The following XKR6 variants were observed in gnomAD, a reference collection of about 807,000 sequenced individuals.
The protein encoded by XKR6 is XK related 6, also known as XK-related protein 6.
In XKR6, 22 loss-of-function variants were observed where a neutral mutation model predicts 56.7. The observed-to-expected ratio is 0.39, with a 90% CI of 0.28 to 0.55. The LOEUF (loss-of-function observed/expected upper bound fraction) is 0.55, where lower values mean the gene tolerates loss of function less well. Among genes scored for constraint, XKR6 ranks in the 20% least tolerant of loss-of-function variants. The pLI, the probability that XKR6 is intolerant of heterozygous loss-of-function variation, is 0.66. For synonymous variants in XKR6, 524 were observed against 387.8 expected (o/e 1.35, Z -4.13); for missense variants, 852 against 889.0 (o/e 0.96, Z 0.53).
Position 10,897,242 on chromosome 8 carries a change from G to A in XKR6, c.*710C>T, listed in dbSNP as rs1180903771. On this transcript the variant is annotated 3_prime_UTR_variant, in exon 3 of 3. Transcript: ENST00000416569. ...AGTGGGGAGAAGGTCAGGAGAGGAG[G>A]GGGAGAAACTGAAAAGAGGGAGGGG... 6.6e-6 allele frequency: 1 copy of A among 152,594 alleles called. No individual in the cohort carries two copies. The highest frequency in any genetic ancestry group is 1.9e-4 in the East Asian group (1 of 5,200). The allele number at this position is 152,594 out of a possible 1,614,324, so 9.5% of individuals were successfully genotyped here.
At chr8:10,992,127 A>G (rs1203291980) in intron 1 of XKR6, among the ~76,000 whole-genome samples, 1 of 152,214 alleles carries the variant, frequency 6.6e-6, no homozygotes, top group African/African-American at 2.4e-5. Flanking sequence ...AAATCTATAA[A>G]TAGCAGCCTG....
intron 1 of XKR6, among the ~76,000 whole-genome samples, chr8:11,061,864 T>C (rs949350543): frequency 6.6e-6 from 1 of 152,092 alleles, no homozygotes; most frequent in Non-Finnish European, 1.5e-5. Flanking sequence ...GCTGTTAAAA[T>C]GAGTCTGTGT....
chr8:11,049,138 G>T (rs1376456820), intron 1 of XKR6, among the ~76,000 whole-genome samples: 1 of 152,238 alleles, frequency 6.6e-6, no homozygotes, highest in Non-Finnish European at 1.5e-5. Context: ...TTGCTCAGGA[G>T]CCCATTGGAA....
chr8:10,974,007 C>T (rs1302807950), intron 1 of XKR6, among the ~76,000 whole-genome samples: 1 of 152,048 alleles, frequency 6.6e-6, no homozygotes, highest in Non-Finnish European at 1.5e-5. Flanking sequence ...AATTAAAGTC[C>T]AGAGAGGCTA....
At chr8:11,051,297 G>A (rs185840096) in intron 1 of XKR6, among the ~76,000 whole-genome samples, 1 of 151,776 alleles carries the variant, frequency 6.6e-6, no homozygotes, top group Non-Finnish European at 1.5e-5. Context: ...CTCAGACCTC[G>A]GCAGCTGCCT....
intron 1 of XKR6, among the ~76,000 whole-genome samples, chr8:10,973,644 G>A (rs190647074): frequency 9.9e-4 from 151 of 151,988 alleles, no homozygotes; most frequent in African/African-American, 3.5e-3. Flanking sequence ...CAGTGGAACC[G>A]TCTCAGCTCA....
intron 1 of XKR6, among the ~76,000 whole-genome samples, chr8:10,953,393 T>C (rs191385005): frequency 8.4e-4 from 128 of 152,264 alleles, no homozygotes; most frequent in Admixed American, 2.7e-3. Context: ...TGCTCCCCCT[T>C]GGCCTTCCAC....
intron 2 of XKR6, among the ~76,000 whole-genome samples, chr8:10,917,294 T>A (rs1275532252): frequency 6.6e-6 from 1 of 152,188 alleles, no homozygotes; most frequent in Non-Finnish European, 1.5e-5. Context: ...TCTCTGTGCT[T>A]CGGCTTCCCT....
At chr8:11,120,403 G>A (rs942032422) in intron 1 of XKR6, among the ~76,000 whole-genome samples, 2 of 152,120 alleles carry the variant, frequency 1.3e-5, no homozygotes, top group African/African-American at 4.8e-5. Flanking sequence ...CAGACAAACA[G>A]AGAGCCAAAT....
chr8:11,041,909 C>T (rs1042232391), intron 1 of XKR6, among the ~76,000 whole-genome samples: 1 of 152,198 alleles, frequency 6.6e-6, no homozygotes, highest in Admixed American at 6.5e-5. Flanking sequence ...ACAACACACA[C>T]AAATGCAAAT....
At chr8:11,071,225 C>G (rs958091351) in intron 1 of XKR6, among the ~76,000 whole-genome samples, 1 of 152,128 alleles carries the variant, frequency 6.6e-6, no homozygotes. Context: ...GCATTTAGGG[C>G]CCTGGAGGTA....
intron 2 of XKR6, among the ~76,000 whole-genome samples, chr8:10,902,630 T>C (rs1172443779): frequency 6.6e-6 from 1 of 152,224 alleles, no homozygotes; most frequent in Non-Finnish European, 1.5e-5. Context: ...TGCCCAGCCA[T>C]TGGCTCTTCA....
At chr8:11,180,183 A>G (rs1414277400) in intron 1 of XKR6, among the ~76,000 whole-genome samples, 2 of 152,220 alleles carry the variant, frequency 1.3e-5, no homozygotes, top group Non-Finnish European at 2.9e-5. Flanking sequence ...TTAAGTAACA[A>G]AAGTGCTTTG....
intron 1 of XKR6, among the ~76,000 whole-genome samples, chr8:11,146,295 G>T (rs572111712): frequency 1.3e-5 from 2 of 152,280 alleles, no homozygotes; most frequent in South Asian, 2.1e-4. Context: ...GCTTGACAAA[G>T]ATTTCTAAAA....
In XKR6 at chr8:11,173,338, C is replaced by T. The variant is rs181496397; in HGVS notation, c.764+27238G>A. On this transcript the variant is annotated intron_variant, in intron 1 of 2. Coordinates refer to ENST00000416569, the MANE Select transcript of XKR6 (RefSeq NM_173683.4). ...CAGCCTGGGCAACAAAGCGAGACTC[C>T]GCCTTAAAAAAAATATATATATATA... Among the ~76,000 whole-genome samples the T allele has an allele frequency of 6.8e-3, 1,004 of 148,434 alleles. 12 individuals carry two copies. The highest frequency in any genetic ancestry group is 0.02 in the South Asian group (93 of 4,684).
chr8:11,104,825 G>C (rs1213499424), intron 1 of XKR6: 1 of 152,224 alleles, frequency 6.6e-6, no homozygotes, highest in African/African-American at 2.4e-5. Context: ...GCAAGGTAGT[G>C]TAAATGATTT....
At chr8:11,143,566 A>G (rs980542383) in intron 1 of XKR6, among the ~76,000 whole-genome samples, 5 of 152,240 alleles carry the variant, frequency 3.3e-5, no homozygotes, top group African/African-American at 9.6e-5. Context: ...GTCTAAAAAC[A>G]TTACCAAAAC....
chr8:10,917,220 CAAG>C (rs1800587479), intron 2 of XKR6, among the ~76,000 whole-genome samples: 1 of 152,112 alleles, frequency 6.6e-6, no homozygotes, highest in African/African-American at 2.4e-5. Flanking sequence ...CCCAGGGTGG[CAAG>C]AAGTATAGGA....
At chr8:11,087,873 T>C (rs1797941605) in intron 1 of XKR6, among the ~76,000 whole-genome samples, 1 of 152,184 alleles carries the variant, frequency 6.6e-6, no homozygotes, top group South Asian at 2.1e-4. Context: ...AGAGCAGAGA[T>C]TTCTGTCCTT....
Sources: gnomAD v4.1 joint callset for allele counts (sites outside exome capture counted in the v4.1 genomes callset) on GRCh38, gnomAD v4.1.1 for gene constraint, MANE v1.5 for transcripts, NCBI Gene and HGNC (gene_info 2026-07-23, HGNC 2026-07-21) for gene names.